The following TMEM132D variants were observed in gnomAD, a reference collection of about 807,000 sequenced individuals.
The protein encoded by TMEM132D is mature OL transmembrane protein.
In TMEM132D, 21 loss-of-function variants were observed where a neutral mutation model predicts 62.3. The ratio of observed to expected loss-of-function variants is 0.34; its 90% CI spans 0.24 to 0.49. TMEM132D has a LOEUF of 0.49. Ranked by LOEUF, TMEM132D falls within the 20% of genes least tolerant of loss-of-function variation. The pLI is 0.99. For missense variants in TMEM132D, 1,346 were observed against 1,402.8 expected (o/e 0.96, Z 0.65); for synonymous variants, 621 against 575.6 (o/e 1.08, Z -1.13).
chr12:129,496,236 A>G (rs1046961527), intron 3 of TMEM132D, among the ~76,000 whole-genome samples: 1 of 152,232 alleles, frequency 6.6e-6, no homozygotes, highest in African/African-American at 2.4e-5. Flanking sequence ...GAGAGTTAGA[A>G]GTATTCATAA....
chr12:129,296,409 G>A (rs1446094272), intron 4 of TMEM132D, among the ~76,000 whole-genome samples: 3 of 152,096 alleles, frequency 2.0e-5, no homozygotes, highest in Non-Finnish European at 2.9e-5. Flanking sequence ...TTATCACCCC[G>A]GTTACTTCTA....
chr12:129,458,533 G>A (rs1001336159), intron 3 of TMEM132D, among the ~76,000 whole-genome samples: 17 of 152,062 alleles, frequency 1.1e-4, no homozygotes, highest in Admixed American at 1.3e-4. Flanking sequence ...GATGTGTCTG[G>A]TCTGATAAGG....
At chr12:129,489,138 T>A (rs144007645) in intron 3 of TMEM132D, among the ~76,000 whole-genome samples, 32 of 152,352 alleles carry the variant, frequency 2.1e-4, no homozygotes, top group African/African-American at 7.7e-4. Context: ...ATTCTTAACA[T>A]TCTCCGAAAA....
intron 2 of TMEM132D, among the ~76,000 whole-genome samples, chr12:129,598,901 G>A (rs1401438117): frequency 6.6e-6 from 1 of 152,164 alleles, no homozygotes; most frequent in Non-Finnish European, 1.5e-5. Context: ...CTTTGATTAA[G>A]GCCTGGCTGC....
chr12:129,137,952 A>T (rs540508589), intron 5 of TMEM132D, among the ~76,000 whole-genome samples: 1 of 152,010 alleles, frequency 6.6e-6, no homozygotes, highest in East Asian at 1.9e-4. Context: ...ATTTTCATCC[A>T]TGTGTGGTGC....
chr12:129,099,849 G>A (rs536622887), intron 5 of TMEM132D, among the ~76,000 whole-genome samples: 128 of 122,048 alleles, frequency 1.0e-3, no homozygotes, highest in African/African-American at 8.0e-3. Context: ...TTTTTGAGAC[G>A]GAGTCTCGCT....
chr12:129,322,970 A>T (rs1177993862), intron 4 of TMEM132D, among the ~76,000 whole-genome samples: 6 of 152,240 alleles, frequency 3.9e-5, no homozygotes, highest in Non-Finnish European at 2.9e-5. Flanking sequence ...CATGAGGACG[A>T]ATAGGCTCCA....
chr12:129,239,062 G>A (rs1026823040), intron 4 of TMEM132D, among the ~76,000 whole-genome samples: 11 of 125,492 alleles, frequency 8.8e-5, no homozygotes, highest in African/African-American at 3.5e-4. Flanking sequence ...CTGTGGTTTT[G>A]ATTTGCTTTT....
At chr12:129,562,114 C>A (rs1306119891) in intron 2 of TMEM132D, among the ~76,000 whole-genome samples, 1 of 152,060 alleles carries the variant, frequency 6.6e-6, no homozygotes, top group Non-Finnish European at 1.5e-5. Flanking sequence ...TTAATTAATT[C>A]ATAAAATTCA....
chr12:129,203,755 C>T lies in TMEM132D; in HGVS notation c.1443+5765G>A, dbSNP rs541244752. ...TTTCTGCCTGAGCTCTAAGGACAGGCGGGCACAACCCCATATTTCCCCAGG... is the reference window on the plus strand; with the variant it reads ...TTTCTGCCTGAGCTCTAAGGACAGGTGGGCACAACCCCATATTTCCCCAGG... On this transcript the variant is annotated intron_variant, in intron 5 of 8. Coordinates refer to ENST00000422113, the MANE Select transcript of TMEM132D (RefSeq NM_133448.3). Among the ~76,000 whole-genome samples, 4 of 152,340 alleles carry T rather than the reference C, an allele frequency of 2.6e-5. No individual in the cohort carries two copies. The South Asian group carries it at 8.3e-4, about 32-fold the overall frequency.
At chr12:129,533,987 T>A (rs1247886572) in intron 2 of TMEM132D, among the ~76,000 whole-genome samples, 3 of 152,190 alleles carry the variant, frequency 2.0e-5, no homozygotes, top group Non-Finnish European at 4.4e-5. Flanking sequence ...ACGGTGTGTG[T>A]TGGGTTAATA....
In TMEM132D at chr12:129,827,295, G is replaced by C. The variant is rs1250805111; in HGVS notation, c.79+75966C>G. 6.6e-6 allele frequency among the ~76,000 whole-genome samples: 1 copy of C among 152,012 alleles called. No homozygotes were observed. The highest frequency in any genetic ancestry group is 1.5e-5 in the Non-Finnish European group (1 of 68,002). ...GAGGCTTGAAGAAACTAAGTAATTT[G>C]CCCAACAGCACCCAGTTAACAAAGG... On this transcript the variant is annotated intron_variant, in intron 1 of 8. Transcript: ENST00000422113. The surrounding 1 kb of genome is among the most constrained non-coding windows in gnomAD (Gnocchi z 9.7).
intron 5 of TMEM132D, among the ~76,000 whole-genome samples, chr12:129,104,039 T>G (rs1177323693): frequency 6.6e-6 from 1 of 151,600 alleles, no homozygotes; most frequent in Non-Finnish European, 1.5e-5. Flanking sequence ...TGGAAAAAAC[T>G]ACTTTAAAGT....
At chr12:129,469,215 C>T (rs1874018005) in intron 3 of TMEM132D, among the ~76,000 whole-genome samples, 1 of 152,158 alleles carries the variant, frequency 6.6e-6, no homozygotes. Flanking sequence ...TGGAGCAGCC[C>T]TTTACTCACT....
At chr12:129,221,327 G>T (rs1157497175) in intron 4 of TMEM132D, among the ~76,000 whole-genome samples, 1 of 152,204 alleles carries the variant, frequency 6.6e-6, no homozygotes, top group African/African-American at 2.4e-5. Context: ...CATACAGCAG[G>T]AGGAATAATT....
intron 2 of TMEM132D, among the ~76,000 whole-genome samples, chr12:129,611,737 C>T (rs944054404): frequency 2.0e-5 from 3 of 152,192 alleles, no homozygotes; most frequent in Admixed American, 6.5e-5. Context: ...GATAATTCAT[C>T]ATTGATGCTC....
intron 3 of TMEM132D, among the ~76,000 whole-genome samples, chr12:129,401,560 C>A (rs936147552): frequency 1.3e-5 from 2 of 151,860 alleles, no homozygotes; most frequent in Non-Finnish European, 2.9e-5. Flanking sequence ...CAGAGCGAGA[C>A]GCTGCCTTAA....
At chr12:129,818,624 A>AG (rs1872448879) in intron 1 of TMEM132D, among the ~76,000 whole-genome samples, 1 of 150,652 alleles carries the variant, frequency 6.6e-6, no homozygotes, top group African/African-American at 2.4e-5. Flanking sequence ...TGTGTGGTGT[A>AG]GGGGGTGTGT....
rs780202908 is a variant in TMEM132D at position 129,337,828 on chromosome 12, GAC to G, written c.1116-13_1116-12del. 5.0e-6 allele frequency: 8 copies of G among 1,593,702 alleles called. 1 individual carries two copies. In the South Asian group the frequency reaches 7.9e-5, roughly 16 times the overall value. On this transcript the variant is annotated splice_polypyrimidine_tract_variant and intron_variant, in intron 3 of 8. Coordinates refer to ENST00000422113, the MANE Select transcript of TMEM132D (RefSeq NM_133448.3). ...GAGGCGCCATCCGCACTGGAGAGAA[GAC>G]ACAGAGGAGAACAGCTTTCAGGGAC...
Sources: gnomAD v4.1 joint callset for allele counts (sites outside exome capture counted in the v4.1 genomes callset) on GRCh38, gnomAD v4.1.1 for gene constraint, Gnocchi (gnomAD v3.1) non-coding constraint, MANE v1.5 for transcripts, NCBI Gene and HGNC (gene_info 2026-07-23, HGNC 2026-07-21) for gene names.